Variants in ABTB3 observed in about 807,000 individuals in gnomAD.
The protein encoded by ABTB3 is ankyrin repeat- and BTB/POZ domain-containing protein 3.
the ABTB3 span, chr12:107,581,079 T>G: frequency 7.1e-6 from 11 of 1,542,238 alleles, no homozygotes; most frequent in Non-Finnish European, 1.7e-6. Flanking sequence ...GAGCAGGGGG[T>G]GGGGCCAAGC....
chr12:107,523,285 G>A, the ABTB3 span, among the ~76,000 whole-genome samples: 1 of 152,124 alleles, frequency 6.6e-6, no homozygotes, highest in African/African-American at 2.4e-5. Context: ...TACTTTCCTG[G>A]CATCTGAATT....
the ABTB3 span, chr12:107,581,162 G>A: frequency 6.5e-7 from 1 of 1,543,422 alleles, no homozygotes; most frequent in Non-Finnish European, 8.7e-7. Context: ...GCCCTTCCTC[G>A]TGCTGCCGCC....
chr12:107,564,717 A>G, the ABTB3 span, among the ~76,000 whole-genome samples: 1 of 152,250 alleles, frequency 6.6e-6, no homozygotes, highest in Non-Finnish European at 1.5e-5. Flanking sequence ...GGAACCAGTA[A>G]GGAGCAAGCA....
the ABTB3 span, among the ~76,000 whole-genome samples, chr12:107,459,171 C>T: frequency 6.6e-6 from 1 of 152,192 alleles, no homozygotes; most frequent in Non-Finnish European, 1.5e-5. Flanking sequence ...GTTATTATGC[C>T]CATTTTACAG....
At chr12:107,381,795 GT>G in the ABTB3 span, among the ~76,000 whole-genome samples, 1 of 152,156 alleles carries the variant, frequency 6.6e-6, no homozygotes, top group Non-Finnish European at 1.5e-5. Flanking sequence ...TGACTTTGCA[GT>G]TATTTAACCT....
chr12:107,456,401 A>G, the ABTB3 span, among the ~76,000 whole-genome samples: 2 of 152,238 alleles, frequency 1.3e-5, no homozygotes, highest in Admixed American at 1.3e-4. Flanking sequence ...CGGCAGCATT[A>G]GATTCTCAGA....
chr12:107,581,324 G>C, the ABTB3 span: 2 of 1,310,046 alleles, frequency 1.5e-6, no homozygotes, highest in Non-Finnish European at 1.9e-6. Flanking sequence ...GGGGCGGGCG[G>C]GGGGCGGCAG....
the ABTB3 span, among the ~76,000 whole-genome samples, chr12:107,412,069 T>C: frequency 2.0e-5 from 3 of 152,214 alleles, no homozygotes; most frequent in South Asian, 6.2e-4. Flanking sequence ...TGTTTAGGAA[T>C]GGTGGATCTT....
At chr12:107,598,036 A>C in the ABTB3 span, among the ~76,000 whole-genome samples, 2 of 152,382 alleles carry the variant, frequency 1.3e-5, no homozygotes, top group African/African-American at 4.8e-5. Flanking sequence ...GCCCTAGAGC[A>C]TTAGGCTCAC....
the ABTB3 span, chr12:107,319,876 C>G: frequency 7.8e-7 from 1 of 1,276,280 alleles, no homozygotes; most frequent in Admixed American, 3.1e-5. Flanking sequence ...GGGGCAGCAG[C>G]TGTTGCGCCC....
the ABTB3 span, among the ~76,000 whole-genome samples, chr12:107,606,682 A>C: frequency 6.6e-6 from 1 of 152,228 alleles, no homozygotes; most frequent in East Asian, 1.9e-4. Flanking sequence ...TGTGACAATA[A>C]TTTATAGCAT....
the ABTB3 span, among the ~76,000 whole-genome samples, chr12:107,439,997 T>C: frequency 6.6e-6 from 1 of 152,242 alleles, no homozygotes; most frequent in Non-Finnish European, 1.5e-5. Flanking sequence ...TGTGACTTGT[T>C]TGATGGCTTG....
At chr12:107,372,306 A>G in the ABTB3 span, among the ~76,000 whole-genome samples, 1 of 152,212 alleles carries the variant, frequency 6.6e-6, no homozygotes, top group Non-Finnish European at 1.5e-5. Flanking sequence ...AAAGCCAAGC[A>G]ACAATTACAG....
chr12:107,642,305 C>A, the ABTB3 span: 510 of 738,172 alleles, frequency 6.9e-4, 2 homozygotes, highest in African/African-American at 8.2e-3. Context: ...AACTCCCGGC[C>A]CCTCCTCACA....
At chr12:107,648,123 G>C in the ABTB3 span, among the ~76,000 whole-genome samples, 1 of 152,178 alleles carries the variant, frequency 6.6e-6, no homozygotes, top group African/African-American at 2.4e-5. Flanking sequence ...GCTCATGCCT[G>C]TAATCCTGGC....
At chr12:107,516,201 G>A in the ABTB3 span, among the ~76,000 whole-genome samples, 1 of 151,520 alleles carries the variant, frequency 6.6e-6, no homozygotes, top group Non-Finnish European at 1.5e-5. Flanking sequence ...AAAATCTAAT[G>A]GTCATCTGTA....
the ABTB3 span, among the ~76,000 whole-genome samples, chr12:107,537,109 T>C: frequency 6.6e-6 from 1 of 151,792 alleles, no homozygotes; most frequent in African/African-American, 2.4e-5. Flanking sequence ...ATATATTAAA[T>C]AAAATAAGTC....
At chr12:107,628,686 A>C in the ABTB3 span, among the ~76,000 whole-genome samples, 1 of 152,214 alleles carries the variant, frequency 6.6e-6, no homozygotes, top group African/African-American at 2.4e-5. Flanking sequence ...CAACTATGGG[A>C]AATTGCTGTT....
the ABTB3 span, among the ~76,000 whole-genome samples, chr12:107,348,404 G>A: frequency 6.6e-6 from 1 of 152,234 alleles, no homozygotes; most frequent in South Asian, 2.1e-4. Context: ...TCTAGGTGCT[G>A]AGGATGTGGT....
Sources: gnomAD v4.1 joint callset for allele counts (sites outside exome capture counted in the v4.1 genomes callset) on GRCh38, gnomAD v4.1.1 for gene constraint, MANE v1.5 for transcripts, NCBI Gene and HGNC (gene_info 2026-07-23, HGNC 2026-07-21) for gene names.